USP14: variants seen among roughly 807,000 people sequenced by gnomAD.
USP14 encodes ubiquitin carboxyl-terminal hydrolase 14.
In USP14, 38 loss-of-function variants were observed where a neutral mutation model predicts 76.5. The ratio of observed to expected loss-of-function variants is 0.50; its 90% CI spans 0.38 to 0.65. The LOEUF (loss-of-function observed/expected upper bound fraction) is 0.65, where lower values mean the gene tolerates loss of function less well. Ranked by LOEUF, USP14 falls within the 30% of genes least tolerant of loss-of-function variation. The pLI is 0.00. For synonymous variants in USP14, 192 were observed against 191.7 expected, an observed-to-expected ratio of 1.00 and a Z score of -0.01; for missense variants, 467 against 586.5, an observed-to-expected ratio of 0.80 and a Z score of 2.10.
rs371370107 is a variant in USP14 at position 194,529 on chromosome 18, T to C, written c.463+1629T>C. ...TGGTTTCTCATTTTTCCGTTATGCA[T>C]GTAATTTTTTTCTGAACCATTTTAG... On this transcript the variant is annotated intron_variant, in intron 6 of 15. Coordinates refer to ENST00000261601, the MANE Select transcript of USP14 (RefSeq NM_005151.4). 5.3e-5 allele frequency among the ~76,000 whole-genome samples: 8 copies of C among 152,248 alleles called. No individual in the cohort carries two copies. In the East Asian group the frequency reaches 9.6e-4, roughly 18 times the overall value.
intron 1 of USP14, among the ~76,000 whole-genome samples, chr18:160,101 C>G (rs1057149142): frequency 1.3e-5 from 2 of 152,050 alleles, no homozygotes. Context: ...GTCAGGAGTT[C>G]GAGACCGCCT....
intron 8 of USP14, 81 bp from the exon 9 acceptor site, chr18:197,966 G>A (rs1472903755): frequency 7.4e-6 from 9 of 1,210,116 alleles, no homozygotes; most frequent in South Asian, 1.7e-5. Flanking sequence ...AAAAAAATAT[G>A]TATTACTAAA....
chr18:204,874 TC>T (rs1910486572), intron 13 of USP14, among the ~76,000 whole-genome samples, 182 bp downstream of exon 13: 1 of 152,012 alleles, frequency 6.6e-6, no homozygotes, highest in African/African-American at 2.4e-5. Context: ...TCAGTGCAGA[TC>T]TTTAAAGTTT....
chr18:163,291 T>C lies in USP14; in HGVS notation c.17-17T>C. 6.3e-7 allele frequency: 1 copy of C among 1,582,798 alleles called. No homozygotes were observed. The highest frequency in any genetic ancestry group is 1.2e-5 in the South Asian group (1 of 86,608). Reference sequence around the variant, plus strand: ...CTTGTTATTTTTTAATTAAAAAAATTGTGATTTTGTTTGCAGTTACTGTAA... The same window carrying C: ...CTTGTTATTTTTTAATTAAAAAAATCGTGATTTTGTTTGCAGTTACTGTAA... On this transcript the variant is annotated splice_polypyrimidine_tract_variant and intron_variant, in intron 1 of 15. Coordinates refer to ENST00000261601, the MANE Select transcript of USP14 (RefSeq NM_005151.4).
At chr18:175,250 G>A (rs1909595289) in intron 3 of USP14, among the ~76,000 whole-genome samples, 1 of 151,920 alleles carries the variant, frequency 6.6e-6, no homozygotes, top group Non-Finnish European at 1.5e-5. Flanking sequence ...TTTAATCTTT[G>A]TGCATTTTGT....
At chr18:170,365 A>G (rs186973927) in intron 3 of USP14, among the ~76,000 whole-genome samples, 228 of 152,282 alleles carry the variant, frequency 1.5e-3, no homozygotes, top group Non-Finnish European at 2.2e-3. Context: ...TGTTCAAGAG[A>G]AAGGAAGAGT....
Position 202,919 on chromosome 18 carries a change from C to T in USP14, c.916C>T (p.Gln306Ter). Residue 306 changes from glutamine (Q) to a stop codon, truncating the protein, a stop_gained, in exon 11 of 16, where the codon CAA (glutamine) becomes TAA (stop). Coordinates refer to ENST00000261601, the MANE Select transcript of USP14 (RefSeq NM_005151.4). LOFTEE classifies it high-confidence loss of function. ...AATCACCAAACAGTCTCCAACGTTG[C>T]AAAGAAATGCCTTGTATATCAAATC... ...EEITKQSPTL[Q>*]RNALYIKSSK... 1 of 1,614,092 alleles carries T rather than the reference C, an allele frequency of 6.2e-7. No homozygotes were observed. The highest frequency in any genetic ancestry group is 8.5e-7 in the Non-Finnish European group (1 of 1,179,986).
intron 3 of USP14, among the ~76,000 whole-genome samples, chr18:175,227 T>G (rs1909595133): frequency 6.6e-6 from 1 of 152,232 alleles, no homozygotes; most frequent in South Asian, 2.1e-4. Context: ...AAGGACAGTT[T>G]TATTTCTTCC....
chr18:166,839 C>A lies in USP14; in HGVS notation c.195+20C>A. On this transcript the variant is annotated intron_variant, in intron 3 of 15. Transcript: ENST00000261601. The stretch of plus-strand genomic sequence containing the variant: ...AAAAATGTAAGTATTATCTTATGAA[C>A]GTTTATTATAATGCAGTAACCTCAT... The A allele has an allele frequency of 6.2e-7, 1 of 1,604,554 alleles. No individual in the cohort carries two copies. The highest frequency in any genetic ancestry group is 8.5e-7 in the Non-Finnish European group (1 of 1,172,982).
At chr18:190,150 C>G (rs1910047073) in intron 5 of USP14, among the ~76,000 whole-genome samples, 2 of 151,936 alleles carry the variant, frequency 1.3e-5, no homozygotes, top group South Asian at 4.2e-4. Flanking sequence ...GTATAGTATT[C>G]CGTTGTGTCC....
intron 3 of USP14, among the ~76,000 whole-genome samples, chr18:174,182 T>C (rs2144225689): frequency 6.6e-6 from 1 of 152,270 alleles, no homozygotes; most frequent in East Asian, 1.9e-4. Flanking sequence ...ACAAACATGG[T>C]AAACCTTTCC....
In USP14 at chr18:203,198, A is replaced by G; in HGVS notation, c.1035+8A>G. The G allele has an allele frequency of 6.2e-7, 1 of 1,605,096 alleles. No individual in the cohort carries two copies. The highest frequency in any genetic ancestry group is 8.5e-7 in the Non-Finnish European group (1 of 1,174,834). ...AATGCCAAAGTTCTTAAGGTTAGTAATGAACTTTACTTTGTATAAGAAATG... is the reference window on the plus strand; with the variant it reads ...AATGCCAAAGTTCTTAAGGTTAGTAGTGAACTTTACTTTGTATAAGAAATG... On this transcript the variant is annotated splice_region_variant and intron_variant, in intron 12 of 15. Transcript: ENST00000261601.
chr18:169,263 C>T (rs535595842), intron 3 of USP14, among the ~76,000 whole-genome samples: 6 of 147,496 alleles, frequency 4.1e-5, no homozygotes, highest in Non-Finnish European at 7.4e-5. Flanking sequence ...TCATGGTGCA[C>T]GCCAAGAGAA....
intron 12 of USP14, among the ~76,000 whole-genome samples, chr18:204,174 A>G (rs1598279314): frequency 6.6e-6 from 1 of 151,868 alleles, no homozygotes; most frequent in African/African-American, 2.4e-5. Flanking sequence ...TATTACTTCT[A>G]TGTAAAGTTG....
rs895963599 is a variant in USP14, at chr18:211,521, C to T, written c.*237C>T. 1.1e-5 allele frequency: 4 copies of T among 351,312 alleles called. No individual in the cohort carries two copies. The highest frequency in any genetic ancestry group is 2.1e-5 in the African/African-American group (1 of 47,554). The allele number at this position is 351,312 out of a possible 1,614,324, so 21.8% of individuals were successfully genotyped here. A position where few individuals can be genotyped will look rare whatever the true frequency, so the allele number is the denominator to read the frequency against. ...GTGGCAGAAAGACATTTTTAAAAAG[C>T]TTATTATTTCTTGCATTATTTTAAA... On this transcript the variant is annotated 3_prime_UTR_variant, in exon 16 of 16. Transcript: ENST00000261601.
intron 14 of USP14, 164 bp downstream of exon 14, chr18:210,195 A>C (rs1910632828): frequency 1.4e-6 from 1 of 699,538 alleles, no homozygotes; most frequent in South Asian, 2.1e-5. Context: ...ACTCATTGGC[A>C]TACAGTTCTA....
intron 2 of USP14, among the ~76,000 whole-genome samples, chr18:165,771 T>C (rs1909252842): frequency 6.6e-6 from 1 of 152,178 alleles, no homozygotes; most frequent in Admixed American, 6.6e-5. Flanking sequence ...ATAGTTATCA[T>C]TCATTATGTT....
intron 15 of USP14, 68 bp downstream of exon 15, chr18:210,561 C>A: frequency 8.1e-7 from 1 of 1,231,132 alleles, no homozygotes; most frequent in Non-Finnish European, 1.1e-6. Context: ...AATTTTATAG[C>A]AGTGTGGTTT....
chr18:181,749 A>T (rs1483240220), intron 5 of USP14, among the ~76,000 whole-genome samples: 5 of 152,064 alleles, frequency 3.3e-5, no homozygotes, highest in Non-Finnish European at 5.9e-5. Flanking sequence ...TCTTAATTTT[A>T]ATTTTTTCTT....
Sources: allele counts gnomAD v4.1 joint callset (sites outside exome capture counted in the v4.1 genomes callset), GRCh38; gene constraint gnomAD v4.1.1; transcripts MANE v1.5; gene names NCBI Gene and HGNC (gene_info 2026-07-23, HGNC 2026-07-21).